OPA1: variants seen among roughly 807,000 people sequenced by gnomAD.
The protein encoded by OPA1 is dynamin-like GTPase OPA1, mitochondrial.
OPA1 carries 59 observed loss-of-function variants against 152.9 expected under a neutral mutation model. That is an observed-to-expected ratio of 0.39 (90% CI 0.31 to 0.48). The LOEUF (loss-of-function observed/expected upper bound fraction) is 0.48, where lower values mean the gene tolerates loss of function less well. OPA1 is among the 20% of genes least tolerant of loss of function. OPA1 has a pLI of 0.96. For missense variants in OPA1, 1,008 were observed against 1,216.8 expected, an observed-to-expected ratio of 0.83 and a Z score of 2.55; for synonymous variants, 400 against 389.9, an observed-to-expected ratio of 1.03 and a Z score of -0.31.
Position 193,662,803 on chromosome 3 carries a change from T to C in OPA1, c.2521-19T>C, listed in dbSNP as rs1415990044. 1.2e-6 allele frequency: 2 copies of C among 1,609,380 alleles called. No homozygotes were observed. Among genetic ancestry groups the C allele is most frequent in the Non-Finnish European group, 1.7e-6 (2 of 1,176,488 alleles). ...ATTATGAACCATCTAAACACAGTCC[T>C]TTTTTAAACATTTTAAAGTGTGTTC... On this transcript the variant is annotated intron_variant, in intron 25 of 30. Coordinates refer to ENST00000361510, the MANE Select transcript of OPA1 (RefSeq NM_130837.3).
At chr3:193,597,691 A>AG (rs1491301774) in intron 1 of OPA1, among the ~76,000 whole-genome samples, 34 of 126,344 alleles carry the variant, frequency 2.7e-4, no homozygotes, top group Admixed American at 3.8e-4. Context: ...ACTCCGTTTC[A>AG]AAAAAAAAAA....
At chr3:193,609,733 G>A (rs879152488) in intron 1 of OPA1, among the ~76,000 whole-genome samples, 16 of 152,056 alleles carry the variant, frequency 1.1e-4, no homozygotes, top group Non-Finnish European at 1.9e-4. Context: ...GGCTTTGTTC[G>A]TTTCTTTTTA....
intron 21 of OPA1, 45 bp downstream of exon 21, chr3:193,648,916 C>G (rs374948935): frequency 5.6e-6 from 7 of 1,254,630 alleles, no homozygotes; most frequent in Non-Finnish European, 8.2e-6. Context: ...CTTTACTGTA[C>G]AGGTTATAAT....
At chr3:193,636,429 A>T (rs1010426826) in intron 9 of OPA1, among the ~76,000 whole-genome samples, 1 of 113,598 alleles carries the variant, frequency 8.8e-6, no homozygotes, top group Middle Eastern at 4.0e-3. Flanking sequence ...TTGCCATTTA[A>T]TTTTTTCTAG....
At chr3:193,627,092 G>GA (rs1352847831) in intron 7 of OPA1, 1 of 152,072 alleles carries the variant, frequency 6.6e-6, no homozygotes, top group East Asian at 1.9e-4. Context: ...TGCTAGTCAG[G>GA]AAAAAAGATT....
At chr3:193,664,847 A>C in intron 26 of OPA1, 33 bp from the exon 27 acceptor site, 1 of 1,124,926 alleles carries the variant, frequency 8.9e-7, no homozygotes. Context: ...AAGAATATAC[A>C]GTAACTCTGG....
At chr3:193,635,931 A>G (rs1472241421) in intron 9 of OPA1, among the ~76,000 whole-genome samples, 2 of 152,224 alleles carry the variant, frequency 1.3e-5, no homozygotes, top group Non-Finnish European at 2.9e-5. Context: ...TAAAAAATTA[A>G]CACTTTTCTT....
chr3:193,697,022 A>G lies in OPA1; in HGVS notation c.*2422A>G, dbSNP rs1040928157. 1.3e-5 allele frequency: 2 copies of G among 152,204 alleles called. No homozygotes were observed. Among genetic ancestry groups the G allele is most frequent in the African/African-American group, 2.4e-5 (1 of 41,436 alleles). 9.4% of individuals were successfully genotyped at this position (152,204 alleles called of 1,614,324 possible). A position where few individuals can be genotyped will look rare whatever the true frequency, so the allele number is the denominator to read the frequency against. On this transcript the variant is annotated 3_prime_UTR_variant, in exon 31 of 31. Coordinates refer to ENST00000361510, the MANE Select transcript of OPA1 (RefSeq NM_130837.3). ...TTTTTCCGCAGACTTCTTTCTGCAA[A>G]TTATTCAGCCTCCAAATGCAAATGA...
chr3:193,690,403 G>C (rs1721524730), intron 29 of OPA1, among the ~76,000 whole-genome samples: 1 of 141,486 alleles, frequency 7.1e-6, no homozygotes, highest in Non-Finnish European at 1.5e-5. Context: ...GCACTCACCT[G>C]TAGTCTCAGC....
chr3:193,693,186 CT>C lies in OPA1; in HGVS notation c.*5+1057del, dbSNP rs552644745. Among the ~76,000 whole-genome samples, 9 of 152,346 alleles carry C rather than the reference CT, an allele frequency of 5.9e-5. No homozygotes were observed. The East Asian group carries it at 1.7e-3, about 29-fold the overall frequency. ...AAAGGCTCTTAAACCAAACTACCTA[CT>C]TTCCTGTCAGGAAAATGTATTTGAG... On this transcript the variant is annotated intron_variant, in intron 30 of 30. Transcript: ENST00000361510.
At chr3:193,641,211 T>C (rs1560369408) in intron 11 of OPA1, among the ~76,000 whole-genome samples, 1 of 152,180 alleles carries the variant, frequency 6.6e-6, no homozygotes, top group Non-Finnish European at 1.5e-5. Context: ...AATTTTGTTT[T>C]GGCAGGCAGG....
chr3:193,672,123 A>G lies in OPA1; in HGVS notation c.2983+4843A>G, dbSNP rs376489110. ...AGTGTAAGTTTTAGTAATGTGTCCA[A>G]TCTGTTTATTGAAATAGTATAACTT... On this transcript the variant is annotated intron_variant, in intron 29 of 30. Coordinates refer to ENST00000361510, the MANE Select transcript of OPA1 (RefSeq NM_130837.3). Among the ~76,000 whole-genome samples the G allele has an allele frequency of 6.6e-5, 10 of 152,346 alleles. No individual in the cohort carries two copies. The East Asian group carries it at 1.3e-3, about 21-fold the overall frequency.
At chr3:193,672,719 A>G (rs1453881241) in intron 29 of OPA1, among the ~76,000 whole-genome samples, 2 of 152,130 alleles carry the variant, frequency 1.3e-5, no homozygotes, top group African/African-American at 4.8e-5. Flanking sequence ...AAATGCGAAA[A>G]TTAGCTGGGC....
Position 193,657,173 on chromosome 3 carries a change from G to A in OPA1, c.2272G>A (p.Ala758Thr). 2.5e-6 allele frequency: 4 copies of A among 1,613,884 alleles called. No individual in the cohort carries two copies. Among genetic ancestry groups the A allele is most frequent in the Non-Finnish European group, 3.4e-6 (4 of 1,179,894 alleles). The change falls in exon 23 of 31, where the codon GCT (alanine) becomes ACT (threonine). Residue 758 changes from alanine (A) to threonine (T), a missense_variant. This residue lies in a region of OPA1 where 229 missense variants were observed against 269.0 expected (regional missense o/e 0.85). Coordinates refer to ENST00000361510, the MANE Select transcript of OPA1 (RefSeq NM_130837.3). ...HDDIFDKLKE[A>T]VKEESIKRHK... ...TGACATATTTGATAAACTTAAAGAG[G>A]CTGTTAAGGAAGAAAGTATTAAACG...
At chr3:193,618,206 C>T (rs1460363006) in intron 5 of OPA1, among the ~76,000 whole-genome samples, 1 of 151,972 alleles carries the variant, frequency 6.6e-6, no homozygotes, top group Non-Finnish European at 1.5e-5. Context: ...CGGCCGGGCG[C>T]GGTGGCTCAT....
intron 25 of OPA1, among the ~76,000 whole-genome samples, 168 bp downstream of exon 25, chr3:193,659,729 A>G (rs975456680): frequency 3.3e-5 from 5 of 152,232 alleles, no homozygotes; most frequent in Non-Finnish European, 7.3e-5. Context: ...AATAAACTAC[A>G]TAAGAAAGTT....
At chr3:193,666,893 C>T (rs1483745435) in intron 28 of OPA1, among the ~76,000 whole-genome samples, 1 of 151,878 alleles carries the variant, frequency 6.6e-6, no homozygotes, top group Admixed American at 6.6e-5. Context: ...TTGCATGAAA[C>T]TCTGTTGGGA....
intron 25 of OPA1, among the ~76,000 whole-genome samples, chr3:193,660,701 A>ATT (rs139271487): frequency 6.9e-6 from 1 of 145,588 alleles, no homozygotes; most frequent in African/African-American, 2.5e-5. Context: ...TTTCTTTACT[A>ATT]TTTTTTTTTT....
intron 27 of OPA1, 111 bp downstream of exon 27, chr3:193,665,107 A>G (rs926571545): frequency 1.0e-5 from 7 of 670,190 alleles, no homozygotes; most frequent in Admixed American, 5.0e-5. Flanking sequence ...TCATCTGGGG[A>G]AAAAAAGTAT....
Sources: gnomAD v4.1 joint callset for allele counts (sites outside exome capture counted in the v4.1 genomes callset) on GRCh38, gnomAD v4.1.1 for gene constraint, gnomAD v4.1.1 regional missense constraint, MANE v1.5 for transcripts, NCBI Gene and HGNC (gene_info 2026-07-23, HGNC 2026-07-21) for gene names.